The following CENPE variants were observed in gnomAD, a reference collection of about 807,000 sequenced individuals.
The protein encoded by CENPE is centromere protein E, also known as centromere-associated protein E.
A neutral mutation model predicts 336.1 loss-of-function variants in CENPE; 145 were observed. That is an observed-to-expected ratio of 0.43 (90% CI 0.38 to 0.50). The LOEUF (loss-of-function observed/expected upper bound fraction) is 0.50, where lower values mean the gene tolerates loss of function less well. CENPE is among the 20% of genes least tolerant of loss of function. The pLI, the probability that CENPE is intolerant of heterozygous loss-of-function variation, is 0.00. For missense variants in CENPE, 2,719 were observed against 3,023.3 expected (o/e 0.90, Z 2.36); for synonymous variants, 1,013 against 984.8 (o/e 1.03, Z -0.54).
At chr4:103,195,340 A>G (rs909942824) in intron 4 of CENPE, 107 bp from the exon 5 acceptor site, 1 of 852,258 alleles carries the variant, frequency 1.2e-6, no homozygotes, top group East Asian at 2.9e-5. Flanking sequence ...AAAACAAACT[A>G]AGAAACCCCT....
chr4:103,130,930 C>T (rs1034136589), intron 42 of CENPE, among the ~76,000 whole-genome samples: 16 of 127,100 alleles, frequency 1.3e-4, no homozygotes, highest in African/African-American at 4.8e-4. Flanking sequence ...AAAAAAAAGA[C>T]CTTAAGAACT....
At chr4:103,120,388 T>C in intron 43 of CENPE, 55 bp from the exon 44 acceptor site, 2 of 1,426,322 alleles carry the variant, frequency 1.4e-6, no homozygotes, top group Non-Finnish European at 1.9e-6. Flanking sequence ...AATCACAGTA[T>C]AGAAATTTGA....
In CENPE at chr4:103,194,588, A is replaced by C; in HGVS notation, c.559+15T>G. The C allele has an allele frequency of 6.3e-7, 1 of 1,585,564 alleles. No individual in the cohort carries two copies. Among genetic ancestry groups the C allele is most frequent in the South Asian group, 1.2e-5 (1 of 86,904 alleles). ...TTTTACAAGTGTTCTAAAGAAATAC[A>C]GCATAAAGTCTTACTTTCTCCCTTT... On this transcript the variant is annotated intron_variant, in intron 6 of 48. Coordinates refer to ENST00000265148, the MANE Select transcript of CENPE (RefSeq NM_001813.3).
In CENPE at chr4:103,136,142, T is replaced by C. The variant is rs1187428870; in HGVS notation, c.6521A>G (p.Lys2174Arg). The C allele has an allele frequency of 6.2e-7, 1 of 1,608,700 alleles. No homozygotes were observed. Among genetic ancestry groups the C allele is most frequent in the Admixed American group, 1.7e-5 (1 of 59,282 alleles). Reference sequence around the variant, plus strand: ...GGATATTACTAAAAAAGATGGTACCTTCAGTTTCTTCATGATTCTGTGGAA... The same window carrying C: ...GGATATTACTAAAAAAGATGGTACCCTCAGTTTCTTCATGATTCTGTGGAA... ...MEFHRIMKKL[K>R]YVLSYVTKIK... is the part of the protein sequence containing the mutation. The change falls in exon 40 of 49, where the codon AAG (lysine) becomes AGG (arginine). Residue 2174 changes from lysine (K) to arginine (R), a missense_variant and splice_region_variant. Around this residue, in one of 5 missense-constraint regions of CENPE, gnomAD observed 2,437 missense variants for 2,513.3 expected, o/e 0.97. Transcript: ENST00000265148.
chr4:103,191,794 T>TA (rs927838183), intron 8 of CENPE, among the ~76,000 whole-genome samples: 1 of 150,036 alleles, frequency 6.7e-6, no homozygotes, highest in African/African-American at 2.5e-5. Flanking sequence ...TAAAGTATAA[T>TA]AAAAAAATAA....
intron 8 of CENPE, among the ~76,000 whole-genome samples, chr4:103,189,335 C>A (rs1310234050): frequency 6.6e-6 from 1 of 152,118 alleles, no homozygotes; most frequent in Non-Finnish European, 1.5e-5. Flanking sequence ...AGAGACACAA[C>A]AACAAAAGAG....
At chr4:103,176,084 A>T in intron 14 of CENPE, 36 bp from the exon 15 acceptor site, 1 of 1,280,890 alleles carries the variant, frequency 7.8e-7, no homozygotes, top group Non-Finnish European at 1.1e-6. Flanking sequence ...GTCCATGAAC[A>T]TGTTTACCAA....
rs977683413 is a variant in CENPE, at chr4:103,183,188, G to A, written c.833+13C>T. The A allele has an allele frequency of 5.6e-6, 9 of 1,595,376 alleles. No individual in the cohort carries two copies. The highest frequency in any genetic ancestry group is 2.7e-5 in the African/African-American group (2 of 74,538). On this transcript the variant is annotated intron_variant, in intron 10 of 48. Coordinates refer to ENST00000265148, the MANE Select transcript of CENPE (RefSeq NM_001813.3). ...AAGAATCAGTAGGTAAGTGCACAAC[G>A]GGATAAACTTACCCAACTTGTCCAT...
At chr4:103,152,984 G>T in intron 25 of CENPE, 63 bp downstream of exon 25, 1 of 1,211,890 alleles carries the variant, frequency 8.3e-7, no homozygotes, top group Non-Finnish European at 1.2e-6. Context: ...CAATAAAGTT[G>T]ATAAAAATCT....
chr4:103,178,114 T>A (rs1256256931), intron 13 of CENPE, among the ~76,000 whole-genome samples: 1 of 151,332 alleles, frequency 6.6e-6, no homozygotes, highest in Non-Finnish European at 1.5e-5. Context: ...ACTGTAATCA[T>A]GTTTGAAATT....
intron 18 of CENPE, 64 bp from the exon 19 acceptor site, chr4:103,161,521 A>G: frequency 1.4e-6 from 2 of 1,457,764 alleles, no homozygotes; most frequent in Admixed American, 4.8e-5. Flanking sequence ...AATTCTTAAG[A>G]GAACATGTAT....
intron 8 of CENPE, among the ~76,000 whole-genome samples, chr4:103,187,258 T>A (rs1448715390): frequency 2.0e-5 from 3 of 152,294 alleles, no homozygotes; most frequent in Admixed American, 6.5e-5. Flanking sequence ...TCTTGGAGGT[T>A]TGTTCATTAC....
rs369046348 is a variant in CENPE, at chr4:103,110,697, G to A, written c.7724+131C>T. The A allele has an allele frequency of 1.4e-4, 74 of 533,572 alleles. No homozygotes were observed. In the East Asian group the frequency reaches 2.2e-3, roughly 16 times the overall value. 33.1% of individuals were successfully genotyped at this position (533,572 alleles called of 1,614,324 possible). A position where few individuals can be genotyped will look rare whatever the true frequency, so the allele number is the denominator to read the frequency against. ...TTTTTAAAAAAGATACTTATTACCT[G>A]AGCTCTAAAAATTACTTTCCCCATA... On this transcript the variant is annotated intron_variant, in intron 47 of 48. Coordinates refer to ENST00000265148, the MANE Select transcript of CENPE (RefSeq NM_001813.3).
At chr4:103,178,256 A>G (rs1756046704) in intron 13 of CENPE, among the ~76,000 whole-genome samples, 1 of 152,152 alleles carries the variant, frequency 6.6e-6, no homozygotes, top group South Asian at 2.1e-4. Flanking sequence ...CACAGCCAGA[A>G]GACCGGCTGA....
chr4:103,113,356 G>A (rs1397251171), intron 46 of CENPE, among the ~76,000 whole-genome samples: 7 of 140,982 alleles, frequency 5.0e-5, no homozygotes, highest in South Asian at 2.2e-4. Context: ...ACATATACTC[G>A]TATATATACT....
In CENPE at chr4:103,144,454, T is replaced by A; in HGVS notation, c.5022A>T (p.Leu1674=). The A allele has an allele frequency of 6.2e-7, 1 of 1,614,130 alleles. No individual in the cohort carries two copies. Among genetic ancestry groups the A allele is most frequent in the Non-Finnish European group, 8.5e-7 (1 of 1,179,970 alleles). ...ETENIRLTQI[L]HENLEEMRSV... Reference sequence around the variant, plus strand: ...ATCTCATTTCTTCAAGGTTTTCATGTAGTATCTGAGTCAACCTTATATTCT... The same window carrying A: ...ATCTCATTTCTTCAAGGTTTTCATGAAGTATCTGAGTCAACCTTATATTCT... The change falls in exon 33 of 49, where the codon CTA becomes CTT. Residue 1674 remains leucine (L), a synonymous_variant. Transcript: ENST00000265148.
chr4:103,197,517 T>C (rs114949680), intron 1 of CENPE, among the ~76,000 whole-genome samples: 226 of 152,332 alleles, frequency 1.5e-3, no homozygotes, highest in African/African-American at 5.2e-3. Context: ...AATGAGCTCC[T>C]CAAAAATAGG....
In CENPE at chr4:103,145,625, C is replaced by G; in HGVS notation, c.4470G>C (p.Glu1490Asp). 4 of 1,608,286 alleles carry G rather than the reference C, an allele frequency of 2.5e-6. No individual in the cohort carries two copies. Among genetic ancestry groups the G allele is most frequent in the Non-Finnish European group, 2.5e-6 (3 of 1,178,256 alleles). Residue 1490 changes from glutamate to aspartate, a missense_variant, in exon 31 of 49, where the codon GAG (glutamate) becomes GAC (aspartate). Physicochemically the swap from Glu to Asp is conservative, Grantham distance 45 (BLOSUM62 2). This residue lies in a region of CENPE where 2,437 missense variants were observed against 2,513.3 expected (regional missense o/e 0.97). Coordinates refer to ENST00000265148, the MANE Select transcript of CENPE (RefSeq NM_001813.3). The stretch of plus-strand genomic sequence containing the variant: ...TCACTCTTAACTCATTAATAGTTTC[C>G]TCTTGTTCTTTCAGGCAACAATGAG... Reference protein sequence around the residue: ...KVAHCCLKEQEETINELRVNL... With the variant: ...KVAHCCLKEQDETINELRVNL...
In CENPE at chr4:103,185,809, C is replaced by T. The variant is rs1489800446; in HGVS notation, c.745+1G>A. The T allele has an allele frequency of 6.2e-7, 1 of 1,603,764 alleles. No homozygotes were observed. The highest frequency in any genetic ancestry group is 2.2e-5 in the East Asian group (1 of 44,610). On this transcript the variant is annotated splice_donor_variant, in intron 9 of 48. Coordinates refer to ENST00000265148, the MANE Select transcript of CENPE (RefSeq NM_001813.3). LOFTEE classifies it high-confidence loss of function. ...TAACATATTTCATGAGTTTTAATTA[C>T]CTGCAGCGCCTGTTTGAGCAGCTCT...
Sources: allele counts gnomAD v4.1 joint callset (sites outside exome capture counted in the v4.1 genomes callset), GRCh38; gene constraint gnomAD v4.1.1; regional missense constraint gnomAD v4.1.1; transcripts MANE v1.5; gene names NCBI Gene and HGNC (gene_info 2026-07-23, HGNC 2026-07-21).